The following RPS13 variants were observed in gnomAD, a reference collection of about 807,000 sequenced individuals.
RPS13 encodes small ribosomal subunit protein uS15.
In RPS13, 1 loss-of-function variant was observed where a neutral mutation model predicts 24.6. That is an observed-to-expected ratio of 0.04 (90% CI 0.01 to 0.19). The LOEUF (loss-of-function observed/expected upper bound fraction) is 0.19, where lower values mean the gene tolerates loss of function less well. Ranked by LOEUF, RPS13 falls within the 10% of genes least tolerant of loss-of-function variation. The probability of loss-of-function intolerance (pLI) is 1.00; values close to 1 mark genes in which losing one functional copy is unlikely to be tolerated. For synonymous variants in RPS13, 69 were observed against 65.3 expected (o/e 1.06, Z -0.27); for missense variants, 88 against 187.4 (o/e 0.47, Z 3.10).
Position 17,077,199 on chromosome 11 carries a change from C to A in RPS13, c.120G>T (p.Leu40=). The A allele has an allele frequency of 3.7e-6, 6 of 1,613,912 alleles. No individual in the cohort carries two copies. The highest frequency in any genetic ancestry group is 5.1e-6 in the Non-Finnish European group (6 of 1,179,888). ...SDDVKEQIYK[L]AKKGLTPSQI... ...GTGAAGGAGTAAGGCCCTTCTTGGCCAGTTTGTAAATCTGCTCCTTCACGT... is the reference window on the plus strand; with the variant it reads ...GTGAAGGAGTAAGGCCCTTCTTGGCAAGTTTGTAAATCTGCTCCTTCACGT... Residue 40 remains leucine, a synonymous_variant, in exon 3 of 6, where the codon CTG becomes CTT. Coordinates refer to ENST00000525634, the MANE Select transcript of RPS13 (RefSeq NM_001017.3).
At chr11:17,076,321 C>T (rs1203827977) in intron 3 of RPS13, 4 of 229,320 alleles carry the variant, frequency 1.7e-5, no homozygotes, top group African/African-American at 4.7e-5. Context: ...ACCCAGGAGG[C>T]GGAGGTTGCA....
At chr11:17,076,204 T>C (rs185760547) in intron 3 of RPS13, among the ~76,000 whole-genome samples, 2 of 152,048 alleles carry the variant, frequency 1.3e-5, no homozygotes, top group African/African-American at 4.8e-5. Context: ...CTGGCCAACA[T>C]GGTGAAACCT....
At chr11:17,074,686 A>T (rs1847998643) in intron 5 of RPS13, 2 of 702,094 alleles carry the variant, frequency 2.8e-6, no homozygotes, top group Non-Finnish European at 5.3e-6. Flanking sequence ...ACTGGCCAAC[A>T]TAAGGAAAAA....
Position 17,077,253 on chromosome 11 carries a change from T to A in RPS13, c.73-7A>T. The A allele has an allele frequency of 1.2e-6, 2 of 1,613,414 alleles. No individual in the cohort carries two copies. Among genetic ancestry groups the A allele is most frequent in the East Asian group, 2.2e-5 (1 of 44,862 alleles). On this transcript the variant is annotated splice_polypyrimidine_tract_variant and splice_region_variant and intron_variant, in intron 2 of 5. Transcript: ENST00000525634. ...CAGATGTCAACTTCAACCACTGTTA[T>A]GGAATAGAAAGCAGCCTTAGGATGA...
Position 17,076,103 on chromosome 11 carries a change from TG to T in RPS13, c.152-481del, listed in dbSNP as rs1848021981. On this transcript the variant is annotated intron_variant, in intron 3 of 5. Transcript: ENST00000525634. Reference sequence around the variant, plus strand: ...GCACCCCCCTCCCCCTTTTAAGAGGTGGGATCAGGTGGTGTGGCTCACGCCT... The same window carrying T: ...GCACCCCCCTCCCCCTTTTAAGAGGTGGATCAGGTGGTGTGGCTCACGCCT... 3 of 262,840 alleles carry T rather than the reference TG, an allele frequency of 1.1e-5. No homozygotes were observed. The Admixed American group carries it at 1.5e-4, about 13-fold the overall frequency. 16.3% of individuals were successfully genotyped at this position (262,840 alleles called of 1,614,324 possible). A position where few individuals can be genotyped will look rare whatever the true frequency, so the allele number is the denominator to read the frequency against.
intron 3 of RPS13, chr11:17,076,502 G>T: frequency 2.7e-6 from 1 of 367,134 alleles, no homozygotes; most frequent in Non-Finnish European, 5.3e-6. Flanking sequence ...GTTGCAGTGA[G>T]CTGAGATCGC....
Position 17,077,468 on chromosome 11 carries a change from C to T in RPS13, c.33G>A (p.Leu11=), listed in dbSNP as rs770848805. 1.2e-6 allele frequency: 2 copies of T among 1,613,758 alleles called. No individual in the cohort carries two copies. The highest frequency in any genetic ancestry group is 2.7e-5 in the African/African-American group (2 of 74,920). The change falls in exon 2 of 6, where the codon CTG becomes CTA. Residue 11 remains leucine (L), a synonymous_variant. Transcript: ENST00000525634. The part of the protein sequence containing the change: MGRMHAPGKG[L]SQSALPYRRS... ...GTCGATAGGGTAAAGCCGACTGGGA[C>T]AGGCCCTTCCTGGGGAGAGAAGCAG... is the stretch of plus-strand genomic sequence containing the variant.
intron 5 of RPS13, 77 bp downstream of exon 5, chr11:17,075,020 A>C: frequency 1.0e-6 from 1 of 982,450 alleles, no homozygotes; most frequent in Non-Finnish European, 1.6e-6. Flanking sequence ...CCCAAGGCTG[A>C]ACATATTTAC....
chr11:17,077,343 G>T (rs1442104392), intron 2 of RPS13, 86 bp downstream of exon 2: 20 of 1,579,278 alleles, frequency 1.3e-5, no homozygotes, highest in South Asian at 8.9e-5. Flanking sequence ...CCTCATACAC[G>T]CAAGTTCCTC....
At chr11:17,075,708 A>G (rs1848015269) in intron 3 of RPS13, 85 bp from the exon 4 acceptor site, 2 of 1,087,804 alleles carry the variant, frequency 1.8e-6, no homozygotes, top group African/African-American at 1.6e-5. Context: ...ATCAGGGCAT[A>G]GTTTCCTATC....
In RPS13 at chr11:17,077,482, GGA is replaced by G. The variant is rs781611243; in HGVS notation, c.24-7_24-6del. 4 of 1,614,066 alleles carry G rather than the reference GGA, an allele frequency of 2.5e-6. No homozygotes were observed. The Admixed American group carries it at 5.0e-5, about 20-fold the overall frequency. On this transcript the variant is annotated splice_region_variant and splice_polypyrimidine_tract_variant and intron_variant, in intron 1 of 5. Transcript: ENST00000525634. Reference sequence around the variant, plus strand: ...GCCGACTGGGACAGGCCCTTCCTGGGGAGAGAAGCAGTCTCGAGGTGAGGTGG... The same window carrying G: ...GCCGACTGGGACAGGCCCTTCCTGGGGAGAAGCAGTCTCGAGGTGAGGTGG...
intron 4 of RPS13, 74 bp from the exon 5 acceptor site, chr11:17,075,271 A>C (rs990857485): frequency 1.8e-6 from 2 of 1,129,508 alleles, no homozygotes; most frequent in Non-Finnish European, 2.6e-6. Flanking sequence ...TAATAAGAGA[A>C]TGTAGAGCTA....
chr11:17,076,999 G>A, intron 3 of RPS13, 169 bp downstream of exon 3: 1 of 621,830 alleles, frequency 1.6e-6, no homozygotes, highest in Admixed American at 2.6e-5. Flanking sequence ...TCAAAGTATT[G>A]TGGTCAGAAT....
In RPS13 at chr11:17,074,482, G is replaced by C; in HGVS notation, c.423-16C>G. 1 of 1,606,958 alleles carries C rather than the reference G, an allele frequency of 6.2e-7. No homozygotes were observed. Among genetic ancestry groups the C allele is most frequent in the African/African-American group, 1.3e-5 (1 of 74,860 alleles). On this transcript the variant is annotated splice_polypyrimidine_tract_variant and intron_variant, in intron 5 of 5. Coordinates refer to ENST00000525634, the MANE Select transcript of RPS13 (RefSeq NM_001017.3). ...AGATGATTCACTGAAAAAGAAAAAA[G>C]GGGAAAGAAAGAAAATCAGGATTAA...
At chr11:17,074,639 A>C (rs1391678944) in intron 5 of RPS13, 173 bp from the exon 6 acceptor site, 1 of 716,572 alleles carries the variant, frequency 1.4e-6, no homozygotes, top group Non-Finnish European at 2.6e-6. Flanking sequence ...GTTCAAGCAC[A>C]ATGAATGAAG....
intron 3 of RPS13, chr11:17,075,839 G>C (rs570973902): frequency 1.5e-6 from 1 of 654,848 alleles, no homozygotes; most frequent in South Asian, 1.5e-5. Context: ...GGTGGAAACT[G>C]CGAATGTTGG....
At chr11:17,076,651 G>A in intron 3 of RPS13, 1 of 362,126 alleles carries the variant, frequency 2.8e-6, no homozygotes, top group Non-Finnish European at 5.3e-6. Flanking sequence ...AGGCTCTGGT[G>A]ATCCTCTCAC....
At chr11:17,075,075 C>G (rs370716366) in intron 5 of RPS13, 22 bp downstream of exon 5, 1 of 1,516,000 alleles carries the variant, frequency 6.6e-7, no homozygotes, top group South Asian at 1.2e-5. Flanking sequence ...TTGATAACAA[C>G]GACAAAAGAG....
At chr11:17,077,094 A>C in intron 3 of RPS13, 74 bp downstream of exon 3, 2 of 1,154,648 alleles carry the variant, frequency 1.7e-6, no homozygotes, top group Non-Finnish European at 2.6e-6. Flanking sequence ...TTTTAAAATA[A>C]CTTTACCACC....
Sources: gnomAD v4.1 joint callset for allele counts (sites outside exome capture counted in the v4.1 genomes callset) on GRCh38, gnomAD v4.1.1 for gene constraint, MANE v1.5 for transcripts, NCBI Gene and HGNC (gene_info 2026-07-23, HGNC 2026-07-21) for gene names.